The following TCERG1 variants were observed in gnomAD, a reference collection of about 807,000 sequenced individuals.
The protein encoded by TCERG1 is transcription elongation regulator 1.
In TCERG1, 37 loss-of-function variants were observed where a neutral mutation model predicts 144.7. The observed-to-expected ratio is 0.26, with a 90% confidence interval of 0.20 to 0.34. The LOEUF (loss-of-function observed/expected upper bound fraction) is 0.34, where lower values mean the gene tolerates loss of function less well. Among genes scored for constraint, TCERG1 ranks in the 10% least tolerant of loss-of-function variants. TCERG1 has a pLI of 1.00. For synonymous variants in TCERG1, 492 were observed against 458.2 expected (o/e 1.07, Z -0.94); for missense variants, 1,027 against 1,380.7 (o/e 0.74, Z 4.06).
intron 15 of TCERG1, among the ~76,000 whole-genome samples, chr5:146,489,743 G>C (rs1766217306): frequency 6.6e-6 from 1 of 152,066 alleles, no homozygotes; most frequent in South Asian, 2.1e-4. Flanking sequence ...CTATAAAAGT[G>C]AACTTAACAG....
intron 15 of TCERG1, among the ~76,000 whole-genome samples, chr5:146,488,688 A>C (rs1021250009): frequency 6.6e-6 from 1 of 152,318 alleles, no homozygotes; most frequent in South Asian, 2.1e-4. Flanking sequence ...AACTAAAAAC[A>C]GAACAACGAT....
At chr5:146,459,367 T>C in intron 4 of TCERG1, 30 bp downstream of exon 4, 1 of 1,602,098 alleles carries the variant, frequency 6.2e-7, no homozygotes, top group Non-Finnish European at 8.5e-7. Context: ...TGTTTTTATA[T>C]AGGGGCTAGA....
At position 146,480,106 on chromosome 5, in the gene TCERG1, A is replaced by C. The variant is rs746866841; in HGVS notation, c.1886+12A>C. On this transcript the variant is annotated intron_variant, in intron 12 of 22. Coordinates refer to ENST00000679501, the MANE Select transcript of TCERG1 (RefSeq NM_001382548.1). ...GCAAAAAAACGGAAGTAAGTAATAC[A>C]TACGATTTGATTGAGGTAGATTATA... 45 of 1,563,318 alleles carry C rather than the reference A, an allele frequency of 2.9e-5. No individual in the cohort carries two copies. Among genetic ancestry groups the C allele is most frequent in the African/African-American group, 1.4e-5 (1 of 72,556 alleles).
At position 146,459,377 on chromosome 5, in the gene TCERG1, A is replaced by G. The variant is rs376562428; in HGVS notation, c.892+40A>G. 2.5e-6 allele frequency: 4 copies of G among 1,587,890 alleles called. No individual in the cohort carries two copies. In the African/African-American group the frequency reaches 4.0e-5, roughly 16 times the overall value. On this transcript the variant is annotated intron_variant, in intron 4 of 22. Coordinates refer to ENST00000679501, the MANE Select transcript of TCERG1 (RefSeq NM_001382548.1). ...GCATGTGTTTTTATATAGGGGCTAG[A>G]GACATGAACAAGTAGGGGACTACAT...
chr5:146,459,238 A>G lies in TCERG1; in HGVS notation c.793A>G (p.Ser265Gly), dbSNP rs1174764906. The part of the protein sequence containing the change: ...AVGASTPTTS[S>G]PAPAVSTSTS... ...TGGAGCTTCCACCCCTACGACCAGT[A>G]GCCCAGCACCTGCAGTATCCACTTC... The change falls in exon 4 of 23, where the codon AGC becomes GGC. Residue 265 changes from serine (S) to glycine (G), a missense_variant. Around this residue, in one of 6 missense-constraint regions of TCERG1, gnomAD observed 187 missense variants for 169.1 expected, o/e 1.11. Transcript: ENST00000679501. 2.5e-6 allele frequency: 4 copies of G among 1,614,158 alleles called. No individual in the cohort carries two copies. Among genetic ancestry groups the G allele is most frequent in the Non-Finnish European group, 3.4e-6 (4 of 1,180,054 alleles).
Position 146,509,174 on chromosome 5 carries a change from C to A in TCERG1, c.3075C>A (p.Ile1025=). 6.2e-7 allele frequency: 1 copy of A among 1,600,620 alleles called. No homozygotes were observed. Among genetic ancestry groups the A allele is most frequent in the Non-Finnish European group, 8.5e-7 (1 of 1,174,694 alleles). The part of the protein sequence containing the change: ...RKKQREFEEY[I]RDKYITAKAD... ...AACAAAGAGAATTTGAAGAATATAT[C>A]AGAGACAAATATATCACAGCCAAAG... The change falls in exon 22 of 23, where the codon ATC becomes ATA. Residue 1025 remains isoleucine (I), a synonymous_variant. Coordinates refer to ENST00000679501, the MANE Select transcript of TCERG1 (RefSeq NM_001382548.1).
At chr5:146,469,918 A>G (rs1764131839) in intron 7 of TCERG1, 174 bp downstream of exon 7, 1 of 470,402 alleles carries the variant, frequency 2.1e-6, no homozygotes, top group Non-Finnish European at 3.5e-6. Flanking sequence ...AACTAGTTCT[A>G]CTTACATGTT....
Position 146,480,052 on chromosome 5 carries a change from A to G in TCERG1, c.1844A>G (p.Glu615Gly), listed in dbSNP as rs1230644171. The change falls in exon 12 of 23, where the codon GAA becomes GGA. Residue 615 changes from glutamate to glycine, a missense_variant. Glu to Gly is a moderately conservative substitution (Grantham distance 98). Transcript: ENST00000679501. ...GTTAAAGAGGAACAAGAATTAATGG[A>G]AGAAATTAATGAAGATGAGCCTGTT... is the stretch of plus-strand genomic sequence containing the variant. Reference protein sequence around the residue: ...SAIKEEQELMEEINEDEPVKA... With the variant: ...SAIKEEQELMGEINEDEPVKA... The G allele has an allele frequency of 6.9e-6, 11 of 1,601,722 alleles. No homozygotes were observed. The highest frequency in any genetic ancestry group is 9.4e-6 in the Non-Finnish European group (11 of 1,175,076).
chr5:146,502,750 T>A (rs1050688104), intron 17 of TCERG1, among the ~76,000 whole-genome samples: 1 of 152,154 alleles, frequency 6.6e-6, no homozygotes, highest in Non-Finnish European at 1.5e-5. Context: ...TAGTAATGAT[T>A]AATTATGAAC....
chr5:146,491,818 A>G (rs1766454052), intron 15 of TCERG1, among the ~76,000 whole-genome samples: 1 of 152,176 alleles, frequency 6.6e-6, no homozygotes. Context: ...TAACTTTGCA[A>G]CTGCTGTTTT....
intron 9 of TCERG1, among the ~76,000 whole-genome samples, chr5:146,477,527 C>T (rs927342148): frequency 2.6e-5 from 4 of 151,778 alleles, no homozygotes; most frequent in East Asian, 1.9e-4. Flanking sequence ...GGCTGTCCTC[C>T]GTATTGCTTT....
intron 10 of TCERG1, 110 bp downstream of exon 10, chr5:146,478,763 G>T: frequency 8.5e-7 from 1 of 1,171,546 alleles, no homozygotes; most frequent in Admixed American, 3.3e-5. Flanking sequence ...AATATAAGAA[G>T]CATTCGAAAA....
Position 146,459,301 on chromosome 5 carries a change from A to G in TCERG1, c.856A>G (p.Thr286Ala), listed in dbSNP as rs1047264528. ...CACCCCTTCCTCTACCACTTCTACC[A>G]CAACAACTGCTACTTCAGTTGCGCA... ...SSTPSSTTST[T>A]TTATSVAQTV... The change falls in exon 4 of 23, where the codon ACA (threonine) becomes GCA (alanine). Residue 286 changes from threonine (T) to alanine (A), a missense_variant. Thr to Ala is a moderately conservative substitution (Grantham distance 58, BLOSUM62 0). Around this residue, in one of 6 missense-constraint regions of TCERG1, gnomAD observed 187 missense variants for 169.1 expected, o/e 1.11. Coordinates refer to ENST00000679501, the MANE Select transcript of TCERG1 (RefSeq NM_001382548.1). The G allele has an allele frequency of 1.2e-6, 2 of 1,614,194 alleles. No homozygotes were observed. Among genetic ancestry groups the G allele is most frequent in the Admixed American group, 1.7e-5 (1 of 60,030 alleles).
chr5:146,509,938 G>C, intron 22 of TCERG1: 2 of 668,742 alleles, frequency 3.0e-6, no homozygotes, highest in Non-Finnish European at 4.3e-6. Context: ...CGGGAGGCTA[G>C]ATAGTGCTGA....
Position 146,463,632 on chromosome 5 carries a change from C to T in TCERG1, c.974C>T (p.Thr325Ile). The change falls in exon 5 of 23, where the codon ACA becomes ATA. Residue 325 changes from threonine (T) to isoleucine (I), a missense_variant. This residue lies in a region of TCERG1 where 187 missense variants were observed against 169.1 expected (regional missense o/e 1.11). Coordinates refer to ENST00000679501, the MANE Select transcript of TCERG1 (RefSeq NM_001382548.1). ...GTTAGTGTTTCAACTCCTGCTCCTA[C>T]AGCCACACCTGTGCAAACCGTTCCC... ...PTVSVSTPAP[T>I]ATPVQTVPQP... is the part of the protein sequence containing the mutation. The T allele has an allele frequency of 2.5e-6, 4 of 1,614,224 alleles. No individual in the cohort carries two copies. The highest frequency in any genetic ancestry group is 3.4e-6 in the Non-Finnish European group (4 of 1,180,032).
intron 4 of TCERG1, among the ~76,000 whole-genome samples, chr5:146,460,947 A>C (rs1237923478): frequency 6.6e-6 from 1 of 152,188 alleles, no homozygotes; most frequent in Non-Finnish European, 1.5e-5. Flanking sequence ...GACCTGTGGT[A>C]GTAATGGGAG....
At position 146,450,659 on chromosome 5, in the gene TCERG1, T is replaced by G. The variant is rs1762269652; in HGVS notation, c.59+3251T>G. Among the ~76,000 whole-genome samples, 3 of 152,186 alleles carry G rather than the reference T, an allele frequency of 2.0e-5. No individual in the cohort carries two copies. In the South Asian group the frequency reaches 6.2e-4, roughly 32 times the overall value. ...GTTGTTGTGATGAAGCAGTATAATA[T>G]AAAGAGCCCAGCCCATGTTCTGTGC... On this transcript the variant is annotated intron_variant, in intron 1 of 22. Transcript: ENST00000679501.
intron 9 of TCERG1, among the ~76,000 whole-genome samples, chr5:146,472,106 AGACAT>A (rs1156678527): frequency 2.0e-5 from 3 of 152,336 alleles, no homozygotes; most frequent in African/African-American, 7.2e-5. Context: ...TCATAATTAT[AGACAT>A]GACCACTGTG....
chr5:146,496,965 C>CT (rs1356336515), intron 16 of TCERG1, among the ~76,000 whole-genome samples: 1 of 147,592 alleles, frequency 6.8e-6, no homozygotes, highest in East Asian at 2.0e-4. Flanking sequence ...CCTCTGCCTC[C>CT]TGGGTTTTTC....
Sources: gnomAD v4.1 joint callset for allele counts (sites outside exome capture counted in the v4.1 genomes callset) on GRCh38, gnomAD v4.1.1 for gene constraint, gnomAD v4.1.1 regional missense constraint, MANE v1.5 for transcripts, NCBI Gene and HGNC (gene_info 2026-07-23, HGNC 2026-07-21) for gene names.